SYCP1: variants seen among roughly 807,000 people sequenced by gnomAD.
The protein encoded by SYCP1 is synaptonemal complex protein 1, also known as cancer/testis antigen 8.
Under a neutral mutation model 153.1 loss-of-function variants are expected in SYCP1, and 64 were observed. The observed-to-expected ratio is 0.42, with a 90% CI of 0.34 to 0.51. SYCP1 has a LOEUF of 0.51. Ranked by LOEUF, SYCP1 falls within the 20% of genes least tolerant of loss-of-function variation. The pLI is 0.06. For synonymous variants in SYCP1, 384 were observed against 341.8 expected, an observed-to-expected ratio of 1.12 and a Z score of -1.36; for missense variants, 997 against 1,049.0, an observed-to-expected ratio of 0.95 and a Z score of 0.68.
chr1:114,864,277 T>G, intron 8 of SYCP1, among the ~76,000 whole-genome samples: 1 of 152,060 alleles, frequency 6.6e-6, no homozygotes, highest in Non-Finnish European at 1.5e-5. Flanking sequence ...TAAGTGACAT[T>G]GGGTAGAGAC....
chr1:114,961,960 T>TTGTGTTGC (rs934070124), intron 27 of SYCP1, among the ~76,000 whole-genome samples: 1 of 151,784 alleles, frequency 6.6e-6, no homozygotes, highest in Non-Finnish European at 1.5e-5. Context: ...CCACTATTAT[T>TTGTGTTGC]TGTGTTGCCA....
intron 8 of SYCP1, among the ~76,000 whole-genome samples, chr1:114,872,081 A>T (rs1279696504): frequency 1.4e-5 from 2 of 141,066 alleles, no homozygotes; most frequent in African/African-American, 5.3e-5. Context: ...GCCTCAAGTG[A>T]TCCTCCCACT....
At chr1:114,950,090 C>T (rs1474803590) in intron 27 of SYCP1, among the ~76,000 whole-genome samples, 1 of 152,146 alleles carries the variant, frequency 6.6e-6, no homozygotes, top group Non-Finnish European at 1.5e-5. Context: ...GTATTTCCAC[C>T]TCGCTGACTT....
At chr1:114,933,757 G>C (rs1360084314) in intron 23 of SYCP1, among the ~76,000 whole-genome samples, 1 of 152,158 alleles carries the variant, frequency 6.6e-6, no homozygotes. Context: ...TGTGATGCAT[G>C]CATGCACAAG....
Position 114,895,509 on chromosome 1 carries a change from G to T in SYCP1, c.1320G>T (p.Leu440Phe). 6.8e-7 allele frequency: 1 copy of T among 1,479,500 alleles called. No homozygotes were observed. The allele number at this position is 1,479,500 out of a possible 1,614,324, so 91.6% of individuals were successfully genotyped here. ...AACTTGAAGAATTGAAAAAAGTCTT[G>T]GTAAGTATAGTCTTTCCTATTAATA... ...EVELEELKKV[L>F]GEKETLLYEN... The change falls in exon 16 of 32, where the codon TTG becomes TTT. Residue 440 changes from leucine to phenylalanine, a missense_variant and splice_region_variant. Physicochemically the swap from Leu to Phe is conservative, Grantham distance 22. Around this residue, in one of 2 missense-constraint regions of SYCP1, gnomAD observed 712 missense variants for 682.9 expected, o/e 1.04. Coordinates refer to ENST00000369522, the MANE Select transcript of SYCP1 (RefSeq NM_003176.4).
intron 3 of SYCP1, 92 bp from the exon 4 acceptor site, chr1:114,857,140 A>G: frequency 3.0e-6 from 2 of 669,118 alleles, no homozygotes; most frequent in South Asian, 5.8e-5. Flanking sequence ...CTCTCTCAAA[A>G]AAAAAAAAAA....
intron 29 of SYCP1, among the ~76,000 whole-genome samples, chr1:114,983,943 T>C (rs2101958771): frequency 6.6e-6 from 1 of 151,608 alleles, no homozygotes; most frequent in Non-Finnish European, 1.5e-5. Context: ...CTCTGTTGCC[T>C]GGGCTGGGCT....
chr1:114,992,684 A>T (rs1162109246), intron 30 of SYCP1, among the ~76,000 whole-genome samples: 1 of 151,700 alleles, frequency 6.6e-6, no homozygotes, highest in Non-Finnish European at 1.5e-5. Flanking sequence ...ATAAAACTAT[A>T]GACGAAAACA....
Position 114,995,090 on chromosome 1 carries a change from C to A in SYCP1, c.*71C>A. On this transcript the variant is annotated 3_prime_UTR_variant, in exon 32 of 32. Transcript: ENST00000369522. Reference sequence around the variant, plus strand: ...ATAGTTAATATTTTGTTCTTATTTGCCAGAGCCAAATTTTATCTGGAAGTT... The same window carrying A: ...ATAGTTAATATTTTGTTCTTATTTGACAGAGCCAAATTTTATCTGGAAGTT... The A allele has an allele frequency of 1.4e-6, 2 of 1,403,894 alleles. No individual in the cohort carries two copies. The highest frequency in any genetic ancestry group is 2.4e-5 in the East Asian group (1 of 41,352). The allele number at this position is 1,403,894 out of a possible 1,614,324, so 87.0% of individuals were successfully genotyped here. A position where few individuals can be genotyped will look rare whatever the true frequency, so the allele number is the denominator to read the frequency against.
intron 16 of SYCP1, among the ~76,000 whole-genome samples, chr1:114,905,425 G>A (rs1205291177): frequency 6.6e-6 from 1 of 152,172 alleles, no homozygotes; most frequent in Non-Finnish European, 1.5e-5. Flanking sequence ...TAGAGGAGGG[G>A]TACATGTGCT....
chr1:114,895,619 C>A, intron 16 of SYCP1, 110 bp downstream of exon 16: 1 of 530,822 alleles, frequency 1.9e-6, no homozygotes, highest in Non-Finnish European at 3.0e-6. Context: ...ATTTTTTCAG[C>A]TAAAATGTAA....
chr1:114,872,361 T>G (rs1665207699), intron 8 of SYCP1, among the ~76,000 whole-genome samples: 1 of 152,226 alleles, frequency 6.6e-6, no homozygotes, highest in Non-Finnish European at 1.5e-5. Context: ...ATTTTAAATA[T>G]TTTACTCCAT....
rs376168960 is a variant in SYCP1 at position 114,947,276 on chromosome 1, C to G, written c.2278C>G (p.Leu760Val). The part of the protein sequence containing the change: ...EIELSNLKAE[L>V]LSVKKQLEIE... ...TGAACTATCCAATCTCAAAGCTGAACTTTTGTCTGTTAAGAAGCAACTTGA... is the reference window on the plus strand; with the variant it reads ...TGAACTATCCAATCTCAAAGCTGAAGTTTTGTCTGTTAAGAAGCAACTTGA... The change falls in exon 27 of 32, where the codon CTT (leucine) becomes GTT (valine). Residue 760 changes from leucine to valine, a missense_variant. Leu to Val is a conservative substitution (Grantham distance 32). This residue lies in a region of SYCP1 where 712 missense variants were observed against 682.9 expected (regional missense o/e 1.04). Coordinates refer to ENST00000369522, the MANE Select transcript of SYCP1 (RefSeq NM_003176.4). The G allele has an allele frequency of 4.3e-6, 7 of 1,612,690 alleles. No individual in the cohort carries two copies. Among genetic ancestry groups the G allele is most frequent in the Admixed American group, 1.7e-5 (1 of 59,800 alleles).
At position 114,855,430 on chromosome 1, in the gene SYCP1, C is replaced by A; in HGVS notation, c.-24-11C>A. 1 of 1,417,722 alleles carries A rather than the reference C, an allele frequency of 7.1e-7. No individual in the cohort carries two copies. Among genetic ancestry groups the A allele is most frequent in the Non-Finnish European group, 9.7e-7 (1 of 1,027,126 alleles). 87.8% of individuals were successfully genotyped at this position (1,417,722 alleles called of 1,614,324 possible). On this transcript the variant is annotated splice_polypyrimidine_tract_variant and intron_variant, in intron 1 of 31. Coordinates refer to ENST00000369522, the MANE Select transcript of SYCP1 (RefSeq NM_003176.4). Reference sequence around the variant, plus strand: ...AACTTTCCTTCCCCTCCCGCCCCCCCGGGGCAGTAGATATTTACAACCGTA... The same window carrying A: ...AACTTTCCTTCCCCTCCCGCCCCCCAGGGGCAGTAGATATTTACAACCGTA...
intron 26 of SYCP1, among the ~76,000 whole-genome samples, chr1:114,946,761 T>C (rs1225387615): frequency 6.6e-6 from 1 of 152,044 alleles, no homozygotes; most frequent in South Asian, 2.1e-4. Flanking sequence ...GTTTTTTGAG[T>C]TGGAGTCTTT....
At chr1:114,991,078 G>A (rs1188744124) in intron 30 of SYCP1, among the ~76,000 whole-genome samples, 1 of 151,818 alleles carries the variant, frequency 6.6e-6, no homozygotes, top group Non-Finnish European at 1.5e-5. Context: ...CTTATAAAAT[G>A]TTTAGCAGAT....
chr1:114,947,838 A>AT, intron 27 of SYCP1, among the ~76,000 whole-genome samples: 1 of 149,432 alleles, frequency 6.7e-6, no homozygotes. Context: ...AAAAAAAAAA[A>AT]AAAAGAAAAG....
intron 30 of SYCP1, among the ~76,000 whole-genome samples, chr1:114,990,198 A>G (rs1673829801): frequency 6.6e-6 from 1 of 151,956 alleles, no homozygotes; most frequent in Non-Finnish European, 1.5e-5. Context: ...GAAAACTGGA[A>G]TATTTACAAA....
At chr1:114,862,822 CTA>C in intron 8 of SYCP1, 1 of 152,128 alleles carries the variant, frequency 6.6e-6, no homozygotes, top group Non-Finnish European at 1.5e-5. Context: ...AGTGTAAACT[CTA>C]TGCAGATTCT....
Sources: allele counts gnomAD v4.1 joint callset (sites outside exome capture counted in the v4.1 genomes callset), GRCh38; gene constraint gnomAD v4.1.1; regional missense constraint gnomAD v4.1.1; transcripts MANE v1.5; gene names NCBI Gene and HGNC (gene_info 2026-07-23, HGNC 2026-07-21).